The following USP6NL variants were observed in gnomAD, a reference collection of about 807,000 sequenced individuals.
The protein encoded by USP6NL is USP6 N-terminal-like protein.
USP6NL carries 26 observed loss-of-function variants against 61.9 expected under a neutral mutation model. The ratio of observed to expected loss-of-function variants is 0.42; its 90% CI spans 0.31 to 0.58. The LOEUF (loss-of-function observed/expected upper bound fraction) is 0.58. Ranked by LOEUF, USP6NL falls within the 20% of genes least tolerant of loss-of-function variation. The pLI, the probability that USP6NL is intolerant of heterozygous loss-of-function variation, is 0.16. For synonymous variants in USP6NL, 432 were observed against 390.1 expected, an observed-to-expected ratio of 1.11 and a Z score of -1.27; for missense variants, 1,114 against 1,034.3, an observed-to-expected ratio of 1.08 and a Z score of -1.06.
intron 2 of USP6NL, among the ~76,000 whole-genome samples, chr10:11,530,233 A>G (rs1835598762): frequency 6.6e-6 from 1 of 152,122 alleles, no homozygotes; most frequent in South Asian, 2.1e-4. Context: ...TCAATAGATG[A>G]ATGCTTTATT....
intron 2 of USP6NL, chr10:11,573,590 AT>A: frequency 2.5e-6 from 1 of 398,818 alleles, no homozygotes; most frequent in Middle Eastern, 6.3e-4. Context: ...TTGATTGTTC[AT>A]TCTGCTAATC....
At position 11,602,704 on chromosome 10, in the gene USP6NL, C is replaced by T. The variant is rs191352549; in HGVS notation, c.-83-4987G>A. Among the ~76,000 whole-genome samples, 44 of 152,252 alleles carry T rather than the reference C, an allele frequency of 2.9e-4. No homozygotes were observed. The highest frequency in any genetic ancestry group is 9.6e-4 in the African/African-American group (40 of 41,530). On this transcript the variant is annotated intron_variant, in intron 1 of 14. Coordinates refer to ENST00000609104, the MANE Select transcript of USP6NL (RefSeq NM_014688.5). The surrounding 1 kb of genome is among the most constrained non-coding windows in gnomAD (Gnocchi z 4.8). The stretch of plus-strand genomic sequence containing the variant: ...GCACTGACGTGACACTCAAAGGAAA[C>T]GCTCATTAGGGCACTTTGGATTTCA...
At chr10:11,576,031 G>C (rs568115976) in intron 2 of USP6NL, among the ~76,000 whole-genome samples, 2 of 150,868 alleles carry the variant, frequency 1.3e-5, no homozygotes, top group African/African-American at 4.9e-5. Context: ...TGGATTTCAG[G>C]ATATATACTT....
chr10:11,538,758 G>C (rs534409395), intron 2 of USP6NL, among the ~76,000 whole-genome samples: 264 of 152,130 alleles, frequency 1.7e-3, no homozygotes, highest in African/African-American at 5.8e-3. Context: ...ATTCAGACAT[G>C]AGAAGTCACA....
At chr10:11,494,276 T>C (rs949951887) in intron 7 of USP6NL, among the ~76,000 whole-genome samples, 1 of 152,350 alleles carries the variant, frequency 6.6e-6, no homozygotes, top group East Asian at 1.9e-4. Context: ...TCTCCATGTA[T>C]TGAAACTTCA....
Position 11,580,143 on chromosome 10 carries a change from A to G in USP6NL, c.4+17488T>C, listed in dbSNP as rs2133601861. Among the ~76,000 whole-genome samples, 3 of 152,340 alleles carry G rather than the reference A, an allele frequency of 2.0e-5. No individual in the cohort carries two copies. The South Asian group carries it at 6.2e-4, about 32-fold the overall frequency. ...GTGATGAGTTGACAAACCCTGCCCCAGACCATGTCCCTCATGGATGGTGAC... is the reference window on the plus strand; with the variant it reads ...GTGATGAGTTGACAAACCCTGCCCCGGACCATGTCCCTCATGGATGGTGAC... On this transcript the variant is annotated intron_variant, in intron 2 of 14. Transcript: ENST00000609104.
At position 11,520,578 on chromosome 10, in the gene USP6NL, G is replaced by A. The variant is rs1835166972; in HGVS notation, c.156-2004C>T. ...AGGATGAACACATGCCTGCAGGCAT[G>A]GATGCATCCTTACCTTGCCTCCTAA... On this transcript the variant is annotated intron_variant, in intron 4 of 14. Transcript: ENST00000609104. The surrounding 1 kb of genome is among the most constrained non-coding windows in gnomAD (Gnocchi z 5.2). Among the ~76,000 whole-genome samples, 1 of 152,242 alleles carries A rather than the reference G, an allele frequency of 6.6e-6. No individual in the cohort carries two copies. Among genetic ancestry groups the A allele is most frequent in the Non-Finnish European group, 1.5e-5 (1 of 68,040 alleles).
At chr10:11,556,870 C>G (rs1030270264) in intron 2 of USP6NL, among the ~76,000 whole-genome samples, 6 of 152,160 alleles carry the variant, frequency 3.9e-5, no homozygotes, top group Non-Finnish European at 8.8e-5. Flanking sequence ...AACAACAAAT[C>G]AATCACATCC....
intron 4 of USP6NL, among the ~76,000 whole-genome samples, chr10:11,519,082 G>A (rs1439026990): frequency 2.0e-5 from 3 of 152,026 alleles, no homozygotes; most frequent in Non-Finnish European, 4.4e-5. Context: ...TAGCTCTGAT[G>A]TTGTAGTACA....
chr10:11,559,696 T>C (rs1836850332), intron 2 of USP6NL, among the ~76,000 whole-genome samples: 3 of 152,296 alleles, frequency 2.0e-5, no homozygotes, highest in Middle Eastern at 3.4e-3. Context: ...GGATCTAACA[T>C]CTTATAAACA....
At position 11,489,158 on chromosome 10, in the gene USP6NL, T is replaced by C. The variant is rs1224950659; in HGVS notation, c.608A>G (p.Glu203Gly). Reference protein sequence around the residue: ...TALLLMYMNEEDAFWALVKLF... With the variant: ...TALLLMYMNEGDAFWALVKLF... ...TTTGACCAGGGCCCAGAAGGCATCT[T>C]CCTCGTTCATATACATGAGGAGTAA... The change falls in exon 10 of 15, where the codon GAA (glutamate) becomes GGA (glycine). Residue 203 changes from glutamate (E) to glycine (G), a missense_variant. Glu to Gly is a moderately conservative substitution (Grantham distance 98). Transcript: ENST00000609104. The surrounding 1 kb of genome is among the most constrained non-coding windows in gnomAD (Gnocchi z 5.7). 1.9e-6 allele frequency: 3 copies of C among 1,613,872 alleles called. No individual in the cohort carries two copies. Among genetic ancestry groups the C allele is most frequent in the Non-Finnish European group, 2.5e-6 (3 of 1,179,874 alleles).
chr10:11,470,166 G>A lies in USP6NL; in HGVS notation c.1079-6317C>T, dbSNP rs1234682113. ...GGAAGAAGGAAGACGTGGCGGGGAGGTCACGGAAGGCAAGTAATGGAGAGG... is the reference window on the plus strand; with the variant it reads ...GGAAGAAGGAAGACGTGGCGGGGAGATCACGGAAGGCAAGTAATGGAGAGG... On this transcript the variant is annotated intron_variant, in intron 14 of 14. Transcript: ENST00000609104. This position sits in a 1 kb window ranked among gnomAD's most constrained non-coding sequence, Gnocchi z 5.4. Among the ~76,000 whole-genome samples the A allele has an allele frequency of 1.3e-5, 2 of 152,142 alleles. No individual in the cohort carries two copies. The highest frequency in any genetic ancestry group is 2.4e-5 in the African/African-American group (1 of 41,426).
intron 1 of USP6NL, among the ~76,000 whole-genome samples, chr10:11,601,825 A>G (rs947703596): frequency 4.6e-5 from 7 of 152,182 alleles, no homozygotes; most frequent in African/African-American, 1.7e-4. Flanking sequence ...GAGCTGGCTA[A>G]CCAAGAGTTG....
Position 11,598,301 on chromosome 10 carries a change from T to G in USP6NL, c.-83-584A>C, listed in dbSNP as rs1004814650. ...TACATCTACCCAATCATTTGGGACA[T>G]ATTTCCTTTCAAGCCATTTTTTTTC... On this transcript the variant is annotated intron_variant, in intron 1 of 14. Transcript: ENST00000609104. This position sits in a 1 kb window ranked among gnomAD's most constrained non-coding sequence, Gnocchi z 4.7. Among the ~76,000 whole-genome samples the G allele has an allele frequency of 6.6e-5, 10 of 152,206 alleles. No homozygotes were observed. The highest frequency in any genetic ancestry group is 2.4e-4 in the African/African-American group (10 of 41,458).
At chr10:11,497,600 G>A (rs764086108) in intron 7 of USP6NL, among the ~76,000 whole-genome samples, 27 of 151,954 alleles carry the variant, frequency 1.8e-4, no homozygotes, top group Non-Finnish European at 2.5e-4. Context: ...AGACCCAAAC[G>A]CATCTATAGT....
chr10:11,496,459 T>A lies in USP6NL; in HGVS notation c.385-3231A>T, dbSNP rs1700637181. On this transcript the variant is annotated intron_variant, in intron 7 of 14. Coordinates refer to ENST00000609104, the MANE Select transcript of USP6NL (RefSeq NM_014688.5). The surrounding 1 kb of genome is among the most constrained non-coding windows in gnomAD (Gnocchi z 5.4). ...CTCATTTTCCAAAACTGGTAGCTGT[T>A]AAGCATCTCCCATTTTCTTATTTCT... Among the ~76,000 whole-genome samples, 1 of 152,222 alleles carries A rather than the reference T, an allele frequency of 6.6e-6. No homozygotes were observed. Among genetic ancestry groups the A allele is most frequent in the African/African-American group, 2.4e-5 (1 of 41,446 alleles).
intron 5 of USP6NL, among the ~76,000 whole-genome samples, chr10:11,514,560 C>A (rs1020061942): frequency 2.6e-5 from 4 of 152,234 alleles, no homozygotes; most frequent in Middle Eastern, 6.8e-3. Flanking sequence ...GTCTGAGTGG[C>A]AATGTCTCCC....
intron 14 of USP6NL, among the ~76,000 whole-genome samples, chr10:11,475,596 C>CAAA (rs35589300): frequency 3.6e-4 from 14 of 38,656 alleles, no homozygotes; most frequent in East Asian, 1.5e-3. Context: ...AACTCTGTCG[C>CAAA]AAAAAAAAAA....
At chr10:11,517,062 AT>A (rs1388902521) in intron 5 of USP6NL, among the ~76,000 whole-genome samples, 1 of 152,154 alleles carries the variant, frequency 6.6e-6, no homozygotes, top group African/African-American at 2.4e-5. Context: ...CCAGATTTTT[AT>A]TTTGCCAAAT....
Sources: gnomAD v4.1 joint callset for allele counts (sites outside exome capture counted in the v4.1 genomes callset) on GRCh38, gnomAD v4.1.1 for gene constraint, Gnocchi (gnomAD v3.1) non-coding constraint, MANE v1.5 for transcripts, NCBI Gene and HGNC (gene_info 2026-07-23, HGNC 2026-07-21) for gene names.